GLP1R: variants seen among roughly 807,000 people sequenced by gnomAD.
GLP1R encodes the protein glucagon-like peptide 1 receptor.
In GLP1R, 32 loss-of-function variants were observed where a neutral mutation model predicts 68.4. The ratio of observed to expected loss-of-function variants is 0.47; its 90% CI spans 0.35 to 0.63. The LOEUF (loss-of-function observed/expected upper bound fraction) is 0.63, where lower values mean the gene tolerates loss of function less well. Ranked by LOEUF, GLP1R falls within the 20% of genes least tolerant of loss-of-function variation. The probability of loss-of-function intolerance (pLI) is 0.00; values close to 1 mark genes in which losing one functional copy is unlikely to be tolerated. For synonymous variants in GLP1R, 263 were observed against 244.4 expected (o/e 1.08, Z -0.71); for missense variants, 502 against 594.9 (o/e 0.84, Z 1.62).
At chr6:39,056,101 C>T (rs1054854433) in intron 1 of GLP1R, among the ~76,000 whole-genome samples, 2 of 152,168 alleles carry the variant, frequency 1.3e-5, no homozygotes, top group Admixed American at 6.5e-5. Flanking sequence ...CACACACGCT[C>T]CTTTCCTCCT....
chr6:39,086,114 C>A lies in GLP1R; in HGVS notation c.*41C>A. The A allele has an allele frequency of 6.3e-7, 1 of 1,583,128 alleles. No homozygotes were observed. The highest frequency in any genetic ancestry group is 8.6e-7 in the Non-Finnish European group (1 of 1,158,502). The stretch of plus-strand genomic sequence containing the variant: ...CCTCCCTGGGGTCCTTGCTGCAGGC[C>A]GGGTGGCCAATCCAGGTGGGAGAGA... On this transcript the variant is annotated 3_prime_UTR_variant, in exon 13 of 13. Transcript: ENST00000373256. This position sits in a 1 kb window ranked among gnomAD's most constrained non-coding sequence, Gnocchi z 4.5.
At chr6:39,062,142 G>A (rs556577324) in intron 3 of GLP1R, among the ~76,000 whole-genome samples, 7 of 152,342 alleles carry the variant, frequency 4.6e-5, no homozygotes, top group East Asian at 1.9e-4. Context: ...TACAGGCGCC[G>A]CAGCAGCTTC....
intron 1 of GLP1R, among the ~76,000 whole-genome samples, chr6:39,051,212 C>G (rs567627968): frequency 7.9e-5 from 12 of 152,264 alleles, no homozygotes; most frequent in Admixed American, 2.0e-4. Context: ...GAGTTGGACA[C>G]TTGGTTATCC....
intron 7 of GLP1R, among the ~76,000 whole-genome samples, chr6:39,074,821 T>C (rs1018518887): frequency 5.9e-5 from 9 of 152,220 alleles, no homozygotes; most frequent in African/African-American, 2.2e-4. Context: ...TTCAGGAAGC[T>C]GCCTCAGGCC....
chr6:39,051,472 A>C (rs1768086528), intron 1 of GLP1R, among the ~76,000 whole-genome samples: 1 of 152,132 alleles, frequency 6.6e-6, no homozygotes, highest in African/African-American at 2.4e-5. Flanking sequence ...CTGAGCCTTG[A>C]TCAGTGCGGA....
At chr6:39,082,325 A>G (rs1769027972) in intron 12 of GLP1R, among the ~76,000 whole-genome samples, 1 of 152,218 alleles carries the variant, frequency 6.6e-6, no homozygotes, top group African/African-American at 2.4e-5. Context: ...AAGAACGTTA[A>G]GCCTCAGCAA....
At chr6:39,078,060 A>G (rs1353881352) in intron 7 of GLP1R, among the ~76,000 whole-genome samples, 1 of 152,138 alleles carries the variant, frequency 6.6e-6, no homozygotes, top group Non-Finnish European at 1.5e-5. Context: ...GCAAGTCCTG[A>G]CAGTGTGCCT....
intron 5 of GLP1R, among the ~76,000 whole-genome samples, chr6:39,070,279 G>T (rs1243484387): frequency 6.6e-6 from 1 of 152,218 alleles, no homozygotes; most frequent in Non-Finnish European, 1.5e-5. Context: ...GTTTGTGTGA[G>T]ATTCATTCAC....
chr6:39,067,880 T>A (rs532925330), intron 5 of GLP1R, among the ~76,000 whole-genome samples: 3 of 152,344 alleles, frequency 2.0e-5, no homozygotes, highest in South Asian at 4.1e-4. Flanking sequence ...ACTGAAGTTA[T>A]GTGCTTCCAA....
chr6:39,053,706 G>A (rs568308050), intron 1 of GLP1R, among the ~76,000 whole-genome samples: 2 of 152,300 alleles, frequency 1.3e-5, no homozygotes, highest in South Asian at 4.1e-4. Flanking sequence ...CTTGCACTCG[G>A]TTGCAAACCT....
chr6:39,066,282 C>T lies in GLP1R; in HGVS notation c.488C>T (p.Ser163Phe), dbSNP rs1230482807. ...ALSFSALVIA[S>F]AILLGFRHLH... is the part of the protein sequence containing the mutation. ...TCCTTCTCTGCTCTGGTTATCGCCT[C>T]TGCGATCCTCCTCGGCTTCAGGTAA... is the stretch of plus-strand genomic sequence containing the variant. Residue 163 changes from serine (S) to phenylalanine (F), a missense_variant, in exon 5 of 13, where the codon TCT (serine) becomes TTT (phenylalanine). By Grantham distance (155) the Ser-to-Phe change is radical. Transcript: ENST00000373256. 5 of 1,607,840 alleles carry T rather than the reference C, an allele frequency of 3.1e-6. No individual in the cohort carries two copies. Among genetic ancestry groups the T allele is most frequent in the South Asian group, 1.1e-5 (1 of 90,980 alleles).
chr6:39,084,792 A>G (rs1769103694), intron 12 of GLP1R, among the ~76,000 whole-genome samples: 1 of 152,220 alleles, frequency 6.6e-6, no homozygotes, highest in Admixed American at 6.5e-5. Flanking sequence ...AAGGGATGGC[A>G]TGCAGCCATA....
chr6:39,053,664 A>T (rs1341407909), intron 1 of GLP1R, among the ~76,000 whole-genome samples: 1 of 152,158 alleles, frequency 6.6e-6, no homozygotes, highest in Non-Finnish European at 1.5e-5. Flanking sequence ...TCCCTTTTGC[A>T]CAAGTGTAAG....
rs184337752 is a variant in GLP1R, at chr6:39,087,194, A to T, written c.*1121A>T. ...CTCACTTTTCTTTATTGCTGTGAAT[A>T]GTCTGTGTGCACAATGGGCAATTCT... is the stretch of plus-strand genomic sequence containing the variant. On this transcript the variant is annotated 3_prime_UTR_variant, in exon 13 of 13. Coordinates refer to ENST00000373256, the MANE Select transcript of GLP1R (RefSeq NM_002062.5). 6.6e-6 allele frequency: 1 copy of T among 152,342 alleles called. No individual in the cohort carries two copies. Among genetic ancestry groups the T allele is most frequent in the African/African-American group, 2.4e-5 (1 of 41,578 alleles). The allele number at this position is 152,342 out of a possible 1,614,324, so 9.4% of individuals were successfully genotyped here.
chr6:39,048,986 C>T (rs1768025865), intron 1 of GLP1R, 68 bp downstream of exon 1: 2 of 626,454 alleles, frequency 3.2e-6, no homozygotes, highest in Admixed American at 8.2e-5. Context: ...GCGCAGTGTC[C>T]TGGTGGAGGG....
At chr6:39,077,095 A>T (rs1768850706) in intron 7 of GLP1R, among the ~76,000 whole-genome samples, 1 of 152,212 alleles carries the variant, frequency 6.6e-6, no homozygotes, top group Non-Finnish European at 1.5e-5. Flanking sequence ...AACCATTGTT[A>T]TCTCACAGTT....
At position 39,079,277 on chromosome 6, in the gene GLP1R, T is replaced by A; in HGVS notation, c.1043+77T>A. ...CTTCTAGCAGAGAGAGAGAGAGAGA[T>A]CCTGGGATGCTTAGCTTAGAGCCCT... On this transcript the variant is annotated intron_variant, in intron 10 of 12. Transcript: ENST00000373256. This position sits in a 1 kb window ranked among gnomAD's most constrained non-coding sequence, Gnocchi z 4.5. 1 of 1,041,276 alleles carries A rather than the reference T, an allele frequency of 9.6e-7. No individual in the cohort carries two copies. The highest frequency in any genetic ancestry group is 1.5e-6 in the Non-Finnish European group (1 of 667,952). 64.5% of individuals were successfully genotyped at this position (1,041,276 alleles called of 1,614,324 possible). A position where few individuals can be genotyped will look rare whatever the true frequency, so the allele number is the denominator to read the frequency against.
chr6:39,061,923 C>T (rs962638075), intron 3 of GLP1R, among the ~76,000 whole-genome samples: 4 of 152,196 alleles, frequency 2.6e-5, no homozygotes, highest in African/African-American at 4.8e-5. Flanking sequence ...GCCTTCATTT[C>T]GAGCCTGGCC....
At chr6:39,083,873 T>A (rs1478074296) in intron 12 of GLP1R, among the ~76,000 whole-genome samples, 1 of 152,144 alleles carries the variant, frequency 6.6e-6, no homozygotes, top group Non-Finnish European at 1.5e-5. Flanking sequence ...GTGGGTTCAT[T>A]TTCATAGCTG....
Sources: gnomAD v4.1 joint callset for allele counts (sites outside exome capture counted in the v4.1 genomes callset) on GRCh38, gnomAD v4.1.1 for gene constraint, Gnocchi (gnomAD v3.1) non-coding constraint, MANE v1.5 for transcripts, NCBI Gene and HGNC (gene_info 2026-07-23, HGNC 2026-07-21) for gene names.